Variants in GABBR2 observed in about 807,000 individuals in gnomAD.
GABBR2 encodes G-protein coupled receptor 51.
GABBR2 carries 23 observed loss-of-function variants against 105.6 expected under a neutral mutation model. That is an observed-to-expected ratio of 0.22 (90% CI 0.16 to 0.31). GABBR2 has a LOEUF of 0.31. Among genes scored for constraint, GABBR2 ranks in the 10% least tolerant of loss-of-function variants. The pLI, the probability that GABBR2 is intolerant of heterozygous loss-of-function variation, is 1.00. For missense variants in GABBR2, 734 were observed against 1,245.5 expected (o/e 0.59, Z 6.18); for synonymous variants, 478 against 499.7 (o/e 0.96, Z 0.58).
At chr9:98,461,176 A>G (rs1292117215) in intron 6 of GABBR2, among the ~76,000 whole-genome samples, 1 of 152,352 alleles carries the variant, frequency 6.6e-6, no homozygotes, top group East Asian at 1.9e-4. Context: ...TAGTAACAAT[A>G]AGCAGAAAAA....
intron 7 of GABBR2, among the ~76,000 whole-genome samples, chr9:98,407,686 T>C (rs1041803371): frequency 3.3e-5 from 5 of 152,194 alleles, no homozygotes; most frequent in African/African-American, 1.2e-4. Flanking sequence ...TGCCAAGCTT[T>C]GAAGAATTCC....
chr9:98,572,913 T>C (rs961333751), intron 2 of GABBR2, among the ~76,000 whole-genome samples: 2 of 152,028 alleles, frequency 1.3e-5, no homozygotes, highest in African/African-American at 4.8e-5. Context: ...CCAGCCCCAG[T>C]GTCTAGTAGT....
At chr9:98,607,996 C>T in intron 1 of GABBR2, 1 of 1,281,144 alleles carries the variant, frequency 7.8e-7, no homozygotes, top group Non-Finnish European at 1.1e-6. Context: ...AATTTGGAAG[C>T]ACAGCATAAA....
intron 12 of GABBR2, among the ~76,000 whole-genome samples, chr9:98,366,599 T>A (rs1410707175): frequency 3.3e-5 from 5 of 152,174 alleles, no homozygotes; most frequent in African/African-American, 1.2e-4. Flanking sequence ...AACTTGAGAT[T>A]TTCTGACCTA....
intron 17 of GABBR2, among the ~76,000 whole-genome samples, chr9:98,298,041 TAA>T (rs34384818): frequency 1.3e-4 from 17 of 133,498 alleles, no homozygotes; most frequent in Non-Finnish European, 1.4e-4. Flanking sequence ...GACTCCATCT[TAA>T]AAAAAAAAAA....
intron 4 of GABBR2, among the ~76,000 whole-genome samples, chr9:98,494,812 C>G (rs141695782): frequency 9.5e-4 from 144 of 152,310 alleles, no homozygotes; most frequent in African/African-American, 3.3e-3. Context: ...TTGGAGTTGG[C>G]TGGTTGATGG....
intron 1 of GABBR2, among the ~76,000 whole-genome samples, chr9:98,629,154 G>A (rs992377009): frequency 1.3e-5 from 2 of 152,100 alleles, no homozygotes; most frequent in Non-Finnish European, 2.9e-5. Context: ...GAAGAGTTGA[G>A]GTTTAATGAG....
At chr9:98,344,066 G>T (rs1436133153) in intron 13 of GABBR2, among the ~76,000 whole-genome samples, 1 of 152,108 alleles carries the variant, frequency 6.6e-6, no homozygotes, top group Non-Finnish European at 1.5e-5. Flanking sequence ...CTGAGCTTCT[G>T]CTAGGTCTTC....
At chr9:98,316,341 G>A (rs187251532) in intron 13 of GABBR2, among the ~76,000 whole-genome samples, 155 of 152,178 alleles carry the variant, frequency 1.0e-3, no homozygotes, top group African/African-American at 3.6e-3. Flanking sequence ...TATTAGAGAC[G>A]GGGTTTCTCC....
At chr9:98,494,362 G>A (rs1827234795) in intron 4 of GABBR2, among the ~76,000 whole-genome samples, 1 of 152,198 alleles carries the variant, frequency 6.6e-6, no homozygotes, top group East Asian at 1.9e-4. Context: ...TCGGGGAGAA[G>A]GGGATGACTG....
rs1034061545 is a variant in GABBR2 at position 98,660,719 on chromosome 9, T to C, written c.321+47698A>G. 1.1e-4 allele frequency among the ~76,000 whole-genome samples: 16 copies of C among 152,298 alleles called. No individual in the cohort carries two copies. The East Asian group carries it at 2.7e-3, about 26-fold the overall frequency. On this transcript the variant is annotated intron_variant, in intron 1 of 18. Coordinates refer to ENST00000259455, the MANE Select transcript of GABBR2 (RefSeq NM_005458.8). Reference sequence around the variant, plus strand: ...CTGGAGGCTCTGAGAGGAAGCTCCTTGCCTTTTTCAGCTTCTAGAGGCCAC... The same window carrying C: ...CTGGAGGCTCTGAGAGGAAGCTCCTCGCCTTTTTCAGCTTCTAGAGGCCAC...
chr9:98,646,588 G>T (rs1284944421), intron 1 of GABBR2, among the ~76,000 whole-genome samples: 1 of 152,152 alleles, frequency 6.6e-6, no homozygotes, highest in African/African-American at 2.4e-5. Flanking sequence ...GCCTAGAGGT[G>T]GTCTTGGGGA....
chr9:98,382,819 C>T (rs551987890), intron 11 of GABBR2, among the ~76,000 whole-genome samples: 1 of 152,334 alleles, frequency 6.6e-6, no homozygotes, highest in South Asian at 2.1e-4. Context: ...TTAGGCATCT[C>T]AGGGCACAAA....
chr9:98,402,819 G>A (rs1832417557), intron 8 of GABBR2, among the ~76,000 whole-genome samples: 1 of 152,160 alleles, frequency 6.6e-6, no homozygotes, highest in Non-Finnish European at 1.5e-5. Context: ...ATGGCTCATC[G>A]CACAGCTTGG....
At chr9:98,640,554 G>A (rs575791884) in intron 1 of GABBR2, among the ~76,000 whole-genome samples, 2 of 152,236 alleles carry the variant, frequency 1.3e-5, no homozygotes, top group South Asian at 4.2e-4. Flanking sequence ...GTCCTACCAG[G>A]TACCATACAT....
rs1829944738 is a variant in GABBR2, at chr9:98,640,459, C to T, written c.322-62387G>A. ...CTGGCAAGGCATAGTGCAAATACCC[C>T]TTCCTCCATGAAACCACTCTGATGC... On this transcript the variant is annotated intron_variant, in intron 1 of 18. Coordinates refer to ENST00000259455, the MANE Select transcript of GABBR2 (RefSeq NM_005458.8). 2.6e-5 allele frequency among the ~76,000 whole-genome samples: 4 copies of T among 152,246 alleles called. No individual in the cohort carries two copies. The South Asian group carries it at 8.3e-4, about 32-fold the overall frequency.
chr9:98,371,662 G>C, intron 11 of GABBR2, 91 bp from the exon 12 acceptor site: 1 of 721,398 alleles, frequency 1.4e-6, no homozygotes, highest in Non-Finnish European at 2.5e-6. Context: ...GACTCTTTAT[G>C]ATGGGGACAA....
At chr9:98,350,468 A>G (rs1322058507) in intron 13 of GABBR2, among the ~76,000 whole-genome samples, 2 of 152,066 alleles carry the variant, frequency 1.3e-5, no homozygotes, top group African/African-American at 4.8e-5. Context: ...GAAATATTCA[A>G]ATTCCTTTCT....
intron 4 of GABBR2, among the ~76,000 whole-genome samples, chr9:98,494,749 G>A (rs1827243118): frequency 6.6e-6 from 1 of 152,210 alleles, no homozygotes; most frequent in African/African-American, 2.4e-5. Context: ...GCACTGGAAA[G>A]GTGGCTATTT....
Sources: gnomAD v4.1 joint callset for allele counts (sites outside exome capture counted in the v4.1 genomes callset) on GRCh38, gnomAD v4.1.1 for gene constraint, MANE v1.5 for transcripts, NCBI Gene and HGNC (gene_info 2026-07-23, HGNC 2026-07-21) for gene names.